Variants in PHEX observed in about 807,000 individuals in gnomAD.
PHEX encodes the protein phosphate regulating endopeptidase X-linked.
A neutral mutation model predicts 68.0 loss-of-function variants in PHEX; 16 were observed. The observed-to-expected ratio is 0.24, with a 90% CI of 0.16 to 0.36. The LOEUF (loss-of-function observed/expected upper bound fraction) is 0.36, where lower values mean the gene tolerates loss of function less well. PHEX is among the 10% of genes least tolerant of loss of function. PHEX has a pLI of 1.00. For missense variants in PHEX, 480 were observed against 575.5 expected, an observed-to-expected ratio of 0.83 and a Z score of 1.70; for synonymous variants, 208 against 205.1, an observed-to-expected ratio of 1.01 and a Z score of -0.12.
At chrX:22,205,193 G>T (rs1934671569) in intron 15 of PHEX, among the ~76,000 whole-genome samples, 1 of 112,170 alleles carries the variant, frequency 8.9e-6, no homozygotes, top group African/African-American at 3.2e-5. Flanking sequence ...GAATGTGTAT[G>T]CTGGTCCACA....
intron 3 of PHEX, among the ~76,000 whole-genome samples, chrX:22,050,599 C>T (rs182725352): frequency 1.2e-3 from 127 of 103,705 alleles, no homozygotes; most frequent in African/African-American, 4.4e-3. Context: ...AAAAACAGAA[C>T]GGTGTTGAAA....
intron 15 of PHEX, among the ~76,000 whole-genome samples, chrX:22,200,833 G>A (rs1934527635): frequency 9.1e-6 from 1 of 110,417 alleles, no homozygotes; most frequent in Non-Finnish European, 1.9e-5. Flanking sequence ...GAGAAGTTTA[G>A]ATGGTCCCCA....
At chrX:22,243,327 T>G (rs2147211062) in intron 20 of PHEX, among the ~76,000 whole-genome samples, 1 of 111,644 alleles carries the variant, frequency 9.0e-6, no homozygotes, top group South Asian at 3.7e-4. Context: ...ACCATAAAAA[T>G]CCTAGAAGAA....
intron 3 of PHEX, among the ~76,000 whole-genome samples, chrX:22,064,129 A>G (rs1420657146): frequency 8.9e-6 from 1 of 112,548 alleles, no homozygotes; most frequent in African/African-American, 3.2e-5. Context: ...TGACTTAGAC[A>G]TAACTGTTTA....
chrX:22,032,946 G>A lies in PHEX; in HGVS notation c.-60G>A, dbSNP rs1324781375. ...TTGGATGTCAACGCCTCGCTCTTGA[G>A]ACCAGCCACCAAACCACGAAAAGTG... On this transcript the variant is annotated 5_prime_UTR_variant, in exon 1 of 22. Coordinates refer to ENST00000379374, the MANE Select transcript of PHEX (RefSeq NM_000444.6). The A allele has an allele frequency of 7.9e-6, 7 of 890,596 alleles. No individual in the cohort carries two copies. The highest frequency in any genetic ancestry group is 1.2e-5 in the Non-Finnish European group (7 of 604,320). The allele number at this position is 890,596 out of a possible 1,213,427, so 73.4% of individuals were successfully genotyped here.
intron 16 of PHEX, among the ~76,000 whole-genome samples, chrX:22,217,103 A>G (rs16981858): frequency 0.17 from 19,268 of 111,071 alleles, 1,388 homozygotes; most frequent in African/African-American, 0.27. Context: ...CATGCCTTCA[A>G]TTCATCCAGT....
intron 15 of PHEX, among the ~76,000 whole-genome samples, chrX:22,211,503 CAT>C (rs1467699543): frequency 8.9e-6 from 1 of 112,423 alleles, no homozygotes; most frequent in African/African-American, 3.2e-5. Context: ...ACCAAAATTA[CAT>C]AGTTTGTATT....
At chrX:22,045,654 T>G (rs780474496) in intron 2 of PHEX, among the ~76,000 whole-genome samples, 1 of 112,664 alleles carries the variant, frequency 8.9e-6, no homozygotes, top group African/African-American at 3.2e-5. Context: ...TGTTAACTTA[T>G]ACACATACTC....
intron 12 of PHEX, 21 bp from the exon 13 acceptor site, chrX:22,168,291 T>A: frequency 9.0e-7 from 1 of 1,116,071 alleles, no homozygotes; most frequent in Non-Finnish European, 1.2e-6. Flanking sequence ...CTGACATTAT[T>A]TTTCTTTTTC....
chrX:22,221,339 T>G (rs1189208333), intron 17 of PHEX, among the ~76,000 whole-genome samples: 1 of 112,479 alleles, frequency 8.9e-6, no homozygotes, highest in Non-Finnish European at 1.9e-5. Flanking sequence ...GAATCCAAGA[T>G]TGAATAAGAC....
At chrX:22,067,764 C>A (rs1928673722) in intron 3 of PHEX, among the ~76,000 whole-genome samples, 1 of 111,273 alleles carries the variant, frequency 9.0e-6, no homozygotes, top group Non-Finnish European at 1.9e-5. Flanking sequence ...GGTCCCACCC[C>A]AGACCTACTG....
At chrX:22,212,232 C>T (rs1934950751) in intron 15 of PHEX, among the ~76,000 whole-genome samples, 1 of 111,227 alleles carries the variant, frequency 9.0e-6, no homozygotes, top group Admixed American at 9.6e-5. Context: ...CCTCTTAGGG[C>T]TATCAGAGCT....
intron 12 of PHEX, among the ~76,000 whole-genome samples, chrX:22,160,303 C>A (rs1933076998): frequency 1.8e-5 from 2 of 111,286 alleles, no homozygotes; most frequent in Non-Finnish European, 3.8e-5. Context: ...AATCCCAGCA[C>A]TTTGGGAGGC....
rs1444218177 is a variant in PHEX, at chrX:22,054,442, G to T, written c.349+7231G>T. Among the ~76,000 whole-genome samples, 30 of 112,021 alleles carry T rather than the reference G, an allele frequency of 2.7e-4. No individual in the cohort carries two copies. The Admixed American group carries it at 2.8e-3, about 11-fold the overall frequency. ...GAGCCACCGCACCCGGCCACTTCAT[G>T]AAGTTCTTTGAAACAAGTAATATCA... On this transcript the variant is annotated intron_variant, in intron 3 of 21. Transcript: ENST00000379374.
At chrX:22,238,807 C>T (rs1319692345) in intron 20 of PHEX, among the ~76,000 whole-genome samples, 1 of 111,866 alleles carries the variant, frequency 8.9e-6, no homozygotes, top group Non-Finnish European at 1.9e-5. Flanking sequence ...GGGGAAGGGG[C>T]AGCTGTGGGC....
intron 14 of PHEX, among the ~76,000 whole-genome samples, chrX:22,179,685 T>C (rs193092256): frequency 2.7e-5 from 3 of 112,064 alleles, no homozygotes; most frequent in Non-Finnish European, 1.9e-5. Context: ...AACTTCGGAA[T>C]TTCCGTTTGT....
At chrX:22,111,726 T>C (rs1405424248) in intron 10 of PHEX, among the ~76,000 whole-genome samples, 166 bp downstream of exon 10, 4 of 112,152 alleles carry the variant, frequency 3.6e-5, no homozygotes, top group Non-Finnish European at 7.5e-5. Context: ...TATTTATTTT[T>C]ATTTAGGTAT....
At chrX:22,243,872 G>C (rs1210236219) in intron 20 of PHEX, among the ~76,000 whole-genome samples, 1 of 112,181 alleles carries the variant, frequency 8.9e-6, no homozygotes, top group Non-Finnish European at 1.9e-5. Context: ...AAGACAGTGT[G>C]GCGATTCCTC....
At chrX:22,104,464 GGAGGTAGTGAT>G (rs1425602336) in intron 9 of PHEX, among the ~76,000 whole-genome samples, 5 of 111,240 alleles carry the variant, frequency 4.5e-5, no homozygotes, top group African/African-American at 1.6e-4. Context: ...GGTGGGGTAA[GGAGGTAGTGAT>G]GATCCCTCAT....
Sources: gnomAD v4.1 joint callset for allele counts (sites outside exome capture counted in the v4.1 genomes callset) on GRCh38, gnomAD v4.1.1 for gene constraint, MANE v1.5 for transcripts, NCBI Gene and HGNC (gene_info 2026-07-23, HGNC 2026-07-21) for gene names.